MMP1: variants seen among roughly 807,000 people sequenced by gnomAD.
MMP1 encodes interstitial collagenase.
A neutral mutation model predicts 49.6 loss-of-function variants in MMP1; 51 were observed. The observed-to-expected ratio is 1.03, with a 90% CI of 0.82 to 1.30. The LOEUF is 1.30. MMP1 is among the 50% of genes most tolerant of loss of function. The probability of loss-of-function intolerance (pLI) is 0.00; values close to 1 mark genes in which losing one functional copy is unlikely to be tolerated. For missense variants in MMP1, 623 were observed against 568.7 expected (o/e 1.10, Z -0.97); for synonymous variants, 230 against 196.8 (o/e 1.17, Z -1.41).
At chr11:102,791,622 G>A in intron 7 of MMP1, 127 bp from the exon 8 acceptor site, 4 of 998,658 alleles carry the variant, frequency 4.0e-6, no homozygotes, top group East Asian at 2.4e-5. Flanking sequence ...AATCATCTAG[G>A]GAGATTTTTG....
rs929189649 is a variant in MMP1, at chr11:102,795,263, G to T, written c.810C>A (p.Ile270=). 1 of 1,614,038 alleles carries T rather than the reference G, an allele frequency of 6.2e-7. No individual in the cohort carries two copies. Among genetic ancestry groups the T allele is most frequent in the Non-Finnish European group, 8.5e-7 (1 of 1,179,982 alleles). The part of the protein sequence containing the change: ...YGRSQNPVQP[I]GPQTPKACDS... ...CACACGCTTTTGGGGTTTGTGGGCC[G>T]ATGGGCTGGACAGGATTTTGGGAAC... The change falls in exon 6 of 10, where the codon ATC becomes ATA. Residue 270 remains isoleucine (I), a synonymous_variant. Transcript: ENST00000315274.
At chr11:102,795,652 C>T (rs747225620) in intron 4 of MMP1, 45 bp from the exon 5 acceptor site, 1 of 1,511,528 alleles carries the variant, frequency 6.6e-7, no homozygotes, top group Non-Finnish European at 9.0e-7. Context: ...GAAAGGTATT[C>T]AGTTTTGAGG....
In MMP1 at chr11:102,790,430, G is replaced by A. The variant is rs746899284; in HGVS notation, c.1392C>T (p.Phe464=). The part of the protein sequence containing the change: ...ILTLQKANSW[F]NCRKN Reference sequence around the variant, plus strand: ...GTAATGTTCAATTTTTCCTGCAGTTGAACCAGCTATTAGCTTTCTGGAGAG... The same window carrying A: ...GTAATGTTCAATTTTTCCTGCAGTTAAACCAGCTATTAGCTTTCTGGAGAG... The change falls in exon 10 of 10, where the codon TTC becomes TTT. Residue 464 remains phenylalanine (F), a synonymous_variant. Transcript: ENST00000315274. 1.9e-6 allele frequency: 3 copies of A among 1,604,368 alleles called. No homozygotes were observed. The highest frequency in any genetic ancestry group is 2.2e-5 in the South Asian group (2 of 89,994).
rs1435965135 is a variant in MMP1 at position 102,794,818 on chromosome 11, A to G, written c.899+356T>C. ...TCACCATAAAGAGTGGCATAATGAA[A>G]AGAGACCTGAAATAGGGAACAGAAG... is the stretch of plus-strand genomic sequence containing the variant. On this transcript the variant is annotated intron_variant, in intron 6 of 9. Transcript: ENST00000315274. The surrounding 1 kb of genome is among the most constrained non-coding windows in gnomAD (Gnocchi z 4.3). Among the ~76,000 whole-genome samples the G allele has an allele frequency of 2.6e-5, 4 of 152,192 alleles. No homozygotes were observed. Among genetic ancestry groups the G allele is most frequent in the Admixed American group, 2.6e-4 (4 of 15,284 alleles).
chr11:102,797,465 A>G lies in MMP1; in HGVS notation c.141T>C (p.Asp47=), dbSNP rs775753400. The G allele has an allele frequency of 6.2e-7, 1 of 1,614,138 alleles. No homozygotes were observed. Residue 47 remains aspartate (D), a synonymous_variant, in exon 2 of 10, where the codon GAT becomes GAC. Coordinates refer to ENST00000315274, the MANE Select transcript of MMP1 (RefSeq NM_002421.4). ...YLEKYYNLKN[D]GRQVEKRRNS... ...TTCTCCGCTTTTCAACTTGCCTCCC[A>G]TCATTCTTCAGGTTGTAGTATTTTT...
In MMP1 at chr11:102,797,268, T is replaced by C. The variant is rs554687805; in HGVS notation, c.338A>G (p.His113Arg). ...TEGNPRWEQTHLTYRIENYTP... is the reference protein window; with the variant it reads ...TEGNPRWEQTRLTYRIENYTP... The stretch of plus-strand genomic sequence containing the variant: ...TCAGTCTGCCTACCTGTAGGTCAGA[T>C]GTGTTTGCTCCCAGCGAGGGTTCCC... Residue 113 changes from histidine (H) to arginine (R), a missense_variant, in exon 2 of 10, where the codon CAT becomes CGT. Physicochemically the swap from His to Arg is conservative, Grantham distance 29. Transcript: ENST00000315274. 4 of 1,614,218 alleles carry C rather than the reference T, an allele frequency of 2.5e-6. No individual in the cohort carries two copies. The South Asian group carries it at 4.4e-5, about 18-fold the overall frequency.
chr11:102,791,818 C>G lies in MMP1; in HGVS notation c.1034-323G>C, dbSNP rs75938401. 6.3e-3 allele frequency among the ~76,000 whole-genome samples: 961 copies of G among 152,240 alleles called. 20 individuals are homozygous for G. The highest frequency in any genetic ancestry group is 0.034 in the East Asian group (177 of 5,180). ...TATGCCACCTTGGTGATATAAACTT[C>G]GGTTCTCCAGGTTTGCTCATGGACT... On this transcript the variant is annotated intron_variant, in intron 7 of 9. Coordinates refer to ENST00000315274, the MANE Select transcript of MMP1 (RefSeq NM_002421.4).
chr11:102,797,416 A>G lies in MMP1; in HGVS notation c.190T>C (p.Leu64=), dbSNP rs373218329. 1.9e-6 allele frequency: 3 copies of G among 1,613,886 alleles called. No individual in the cohort carries two copies. The highest frequency in any genetic ancestry group is 2.2e-5 in the South Asian group (2 of 91,084). ...RRNSGPVVEK[L]KQMQEFFGLK... Reference sequence around the variant, plus strand: ...CCAAAGAATTCCTGCATTTGCTTCAATTTTTCAACCACTGGGCCACTATTT... The same window carrying G: ...CCAAAGAATTCCTGCATTTGCTTCAGTTTTTCAACCACTGGGCCACTATTT... The change falls in exon 2 of 10, where the codon TTG becomes CTG. Residue 64 remains leucine (L), a synonymous_variant. Coordinates refer to ENST00000315274, the MANE Select transcript of MMP1 (RefSeq NM_002421.4).
chr11:102,793,674 C>T (rs1290946775), intron 6 of MMP1, among the ~76,000 whole-genome samples: 7 of 152,190 alleles, frequency 4.6e-5, no homozygotes, highest in Non-Finnish European at 1.0e-4. Context: ...AGGGAGGTGT[C>T]TAAGGCCACC....
Position 102,797,354 on chromosome 11 carries a change from C to T in MMP1, c.252G>A (p.Leu84=), listed in dbSNP as rs770947121. Residue 84 remains leucine (L), a synonymous_variant, in exon 2 of 10, where the codon CTG becomes CTA. Coordinates refer to ENST00000315274, the MANE Select transcript of MMP1 (RefSeq NM_002421.4). ...CACATCTGGGCTGCTTCATCACCTT[C>T]AGGGTTTCAGCATCTGGTTTCCCAG... ...KVTGKPDAET[L]KVMKQPRCGV... 6.2e-7 allele frequency: 1 copy of T among 1,614,202 alleles called. No homozygotes were observed. The highest frequency in any genetic ancestry group is 1.7e-5 in the Admixed American group (1 of 60,014).
chr11:102,790,988 C>A (rs1858013263), intron 8 of MMP1, among the ~76,000 whole-genome samples, 182 bp from the exon 9 acceptor site: 1 of 152,204 alleles, frequency 6.6e-6, no homozygotes, highest in Non-Finnish European at 1.5e-5. Flanking sequence ...TTTAAGGCCC[C>A]TCTGAAATCC....
chr11:102,793,793 G>A lies in MMP1; in HGVS notation c.900-1055C>T, dbSNP rs144302386. Among the ~76,000 whole-genome samples, 29 of 152,296 alleles carry A rather than the reference G, an allele frequency of 1.9e-4. No homozygotes were observed. In the East Asian group the frequency reaches 4.2e-3, roughly 22 times the overall value. On this transcript the variant is annotated intron_variant, in intron 6 of 9. Coordinates refer to ENST00000315274, the MANE Select transcript of MMP1 (RefSeq NM_002421.4). ...ACAAAGTGGATTATAGAGCTTAATA[G>A]GGACTAGGGTAACAGCACAGCATAG...
chr11:102,792,518 G>A (rs1208726806), intron 7 of MMP1, 87 bp downstream of exon 7: 8 of 1,326,676 alleles, frequency 6.0e-6, no homozygotes, highest in Non-Finnish European at 8.4e-6. Context: ...TCCCTGGAGA[G>A]AATGTAGCTA....
rs1858119472 is a variant in MMP1 at position 102,794,366 on chromosome 11, A to AT, written c.899+807dup. On this transcript the variant is annotated intron_variant, in intron 6 of 9. Transcript: ENST00000315274. This position sits in a 1 kb window ranked among gnomAD's most constrained non-coding sequence, Gnocchi z 4.3. The stretch of plus-strand genomic sequence containing the variant: ...TTCTGTGGACTGCATCATTCACCAA[A>AT]TGCGGTGTGCAATAACACACCAAAA... 6.6e-6 allele frequency among the ~76,000 whole-genome samples: 1 copy of AT among 152,168 alleles called. No homozygotes were observed. The highest frequency in any genetic ancestry group is 1.9e-4 in the East Asian group (1 of 5,196).
chr11:102,791,562 GC>G (rs1858033921), intron 7 of MMP1, 67 bp from the exon 8 acceptor site: 1 of 1,564,644 alleles, frequency 6.4e-7, no homozygotes, highest in African/African-American at 1.4e-5. Flanking sequence ...TGAATTTTCA[GC>G]TAAGTTCTTA....
At chr11:102,791,072 G>T (rs1044394378) in intron 8 of MMP1, among the ~76,000 whole-genome samples, 1 of 152,086 alleles carries the variant, frequency 6.6e-6, no homozygotes, top group Non-Finnish European at 1.5e-5. Context: ...AGTAACTTTT[G>T]GCCAAAGTAG....
In MMP1 at chr11:102,795,510, G is replaced by A; in HGVS notation, c.723C>T (p.Thr241=). The A allele has an allele frequency of 6.2e-7, 1 of 1,614,038 alleles. No individual in the cohort carries two copies. The highest frequency in any genetic ancestry group is 8.5e-7 in the Non-Finnish European group (1 of 1,180,000). Residue 241 remains threonine, a synonymous_variant, in exon 5 of 10, where the codon ACC becomes ACT. Coordinates refer to ENST00000315274, the MANE Select transcript of MMP1 (RefSeq NM_002421.4). The stretch of plus-strand genomic sequence containing the variant: ...GAGCTAGCTGAACATCACCACTGAA[G>A]GTGTAGCTAGGGTACATCAAAGCCC... ...DIGALMYPSY[T]FSGDVQLAQD...
rs1024854535 is a variant in MMP1, at chr11:102,794,696, G to T, written c.899+478C>A. Among the ~76,000 whole-genome samples the T allele has an allele frequency of 1.3e-5, 2 of 152,156 alleles. No homozygotes were observed. The highest frequency in any genetic ancestry group is 1.5e-5 in the Non-Finnish European group (1 of 68,036). ...TTGGGAGGGCCATTTTTCCAGGATG[G>T]CAGGGGAGATAATTAAAGGATGGCT... On this transcript the variant is annotated intron_variant, in intron 6 of 9. Transcript: ENST00000315274. This position sits in a 1 kb window ranked among gnomAD's most constrained non-coding sequence, Gnocchi z 4.3.
intron 4 of MMP1, among the ~76,000 whole-genome samples, chr11:102,796,072 T>G (rs1397447006): frequency 1.3e-5 from 2 of 152,304 alleles, no homozygotes; most frequent in South Asian, 4.2e-4. Flanking sequence ...TGCCTCAGCC[T>G]CCTGAGTAGC....
Sources: allele counts gnomAD v4.1 joint callset (sites outside exome capture counted in the v4.1 genomes callset), GRCh38; gene constraint gnomAD v4.1.1; non-coding constraint Gnocchi (gnomAD v3.1); transcripts MANE v1.5; gene names NCBI Gene and HGNC (gene_info 2026-07-23, HGNC 2026-07-21).